AVEN: variants seen among roughly 807,000 people sequenced by gnomAD.
The protein encoded by AVEN is cell death regulator Aven.
A neutral mutation model predicts 38.1 loss-of-function variants in AVEN; 41 were observed. The observed-to-expected ratio is 1.08, with a 90% confidence interval of 0.84 to 1.40. AVEN has a LOEUF of 1.40. Among genes scored for constraint, AVEN ranks in the 40% most tolerant of loss-of-function variants. The pLI is 0.00. For synonymous variants in AVEN, 206 were observed against 171.8 expected (o/e 1.20, Z -1.56); for missense variants, 605 against 438.8 (o/e 1.38, Z -3.38).
intron 5 of AVEN, chr15:34,062,542 G>C (rs555205984): frequency 1.3e-4 from 73 of 555,498 alleles, no homozygotes; most frequent in Admixed American, 5.5e-4. Context: ...GTGACAAAGC[G>C]AGATTCTGTC....
At position 33,933,100 on chromosome 15, in the gene AVEN, C is replaced by A. The variant is rs550885503; in HGVS notation, c.446-57105G>T. On this transcript the variant is annotated intron_variant, in intron 2 of 5. Coordinates refer to ENST00000306730, the MANE Select transcript of AVEN (RefSeq NM_020371.3). ...CTGGCTCAAGCATTGCCTTTACAAA[C>A]AGAATATACTAATCAGAGATGAAGA... Among the ~76,000 whole-genome samples the A allele has an allele frequency of 3.3e-5, 5 of 152,192 alleles. No homozygotes were observed. The East Asian group carries it at 9.7e-4, about 29-fold the overall frequency.
chr15:33,944,678 C>T (rs776591888), intron 2 of AVEN, among the ~76,000 whole-genome samples: 1 of 151,834 alleles, frequency 6.6e-6, no homozygotes, highest in East Asian at 1.9e-4. Flanking sequence ...GCGTGGTGGC[C>T]GGCGCCTGTA....
intron 1 of AVEN, among the ~76,000 whole-genome samples, chr15:34,033,491 G>A (rs1394280284): frequency 1.3e-5 from 2 of 150,006 alleles, no homozygotes; most frequent in East Asian, 2.0e-4. Context: ...GGGTAACAGA[G>A]CGAGGCTCCG....
intron 2 of AVEN, among the ~76,000 whole-genome samples, chr15:33,880,204 T>C (rs967124): frequency 0.87 from 132,805 of 152,176 alleles, 58,186 homozygotes; most frequent in East Asian, 0.99. Context: ...CAAAAAGACC[T>C]GAAAAGTCTT....
intron 2 of AVEN, among the ~76,000 whole-genome samples, chr15:33,982,112 C>T (rs1212993425): frequency 6.6e-6 from 1 of 152,064 alleles, no homozygotes; most frequent in Non-Finnish European, 1.5e-5. Flanking sequence ...GATGATCCAC[C>T]CGCCTCAGCC....
intron 2 of AVEN, among the ~76,000 whole-genome samples, chr15:33,880,752 A>G (rs1246197586): frequency 6.6e-6 from 1 of 152,222 alleles, no homozygotes; most frequent in Non-Finnish European, 1.5e-5. Flanking sequence ...AAGAGAAAAG[A>G]AAAAAGAAAC....
chr15:34,013,913 C>CT, intron 1 of AVEN, among the ~76,000 whole-genome samples: 1 of 152,292 alleles, frequency 6.6e-6, no homozygotes, highest in East Asian at 1.9e-4. Flanking sequence ...GGAACGGCTG[C>CT]TATCTTCCGC....
downstream of AVEN, among the ~76,000 whole-genome samples, chr15:33,857,584 C>G (rs9806577): frequency 0.038 from 5,768 of 152,202 alleles, 356 homozygotes; most frequent in African/African-American, 0.13. Flanking sequence ...AGGAAGCCCG[C>G]TTCTCTTTAC....
chr15:33,994,502 G>A (rs758622450), intron 2 of AVEN, among the ~76,000 whole-genome samples: 9 of 152,120 alleles, frequency 5.9e-5, no homozygotes, highest in African/African-American at 2.2e-4. Context: ...TCCTGAAACC[G>A]TCATCCTCAC....
chr15:33,863,429 CAGA>C, downstream of AVEN, among the ~76,000 whole-genome samples: 1 of 151,844 alleles, frequency 6.6e-6, no homozygotes, highest in East Asian at 1.9e-4. Flanking sequence ...TCTCCACCCT[CAGA>C]AGGACATAAT....
intron 1 of AVEN, among the ~76,000 whole-genome samples, chr15:34,012,474 G>A (rs1221325091): frequency 2.0e-5 from 3 of 152,242 alleles, no homozygotes; most frequent in South Asian, 2.1e-4. Flanking sequence ...TTCTGAAGGC[G>A]GAAAGGGATG....
At chr15:33,992,251 G>A (rs923866376) in intron 2 of AVEN, among the ~76,000 whole-genome samples, 2 of 152,152 alleles carry the variant, frequency 1.3e-5, no homozygotes, top group African/African-American at 4.8e-5. Context: ...TTAGCTGGGC[G>A]TGGTGGCGGG....
At chr15:33,943,823 T>TAAAAAAAA (rs71119905) in intron 2 of AVEN, among the ~76,000 whole-genome samples, 1 of 88,876 alleles carries the variant, frequency 1.1e-5, no homozygotes, top group Admixed American at 1.5e-4. Context: ...ACTCCGTCTT[T>TAAAAAAAA]AAAAAAAAAA....
chr15:33,860,513 A>G, intron 11 of AVEN: 2 of 802,142 alleles, frequency 2.5e-6, no homozygotes, highest in Non-Finnish European at 3.8e-6. Context: ...TTTTTAACAG[A>G]ACAAAGTAGC....
intron 2 of AVEN, among the ~76,000 whole-genome samples, chr15:33,985,038 C>T (rs1328663943): frequency 2.0e-5 from 3 of 152,084 alleles, no homozygotes; most frequent in African/African-American, 7.2e-5. Context: ...CCACAGCATT[C>T]TGTATCCCAC....
At chr15:33,859,972 C>G (rs1485405736) in intron 11 of AVEN, among the ~76,000 whole-genome samples, 1 of 152,164 alleles carries the variant, frequency 6.6e-6, no homozygotes, top group Admixed American at 6.5e-5. Flanking sequence ...TTCTGTTCCT[C>G]TACTCTGAAT....
At chr15:33,863,033 G>A (rs140384121), downstream of AVEN, among the ~76,000 whole-genome samples, 659 of 152,278 alleles carry the variant, frequency 4.3e-3, 3 homozygotes, top group Non-Finnish European at 7.2e-3. Context: ...CCATGGCCAC[G>A]TGTCTGTACC....
chr15:34,028,859 C>T (rs1264360896), intron 1 of AVEN, among the ~76,000 whole-genome samples: 1 of 151,492 alleles, frequency 6.6e-6, no homozygotes, highest in African/African-American at 2.4e-5. Flanking sequence ...CCACATTGTA[C>T]CTTCACCTGA....
downstream of AVEN, among the ~76,000 whole-genome samples, chr15:33,857,231 C>T (rs1426563452): frequency 1.1e-5 from 1 of 90,120 alleles, no homozygotes; most frequent in Non-Finnish European, 2.2e-5. Context: ...TAAGTAAGTC[C>T]AGTATCATGG....
Sources: gnomAD v4.1 joint callset for allele counts (sites outside exome capture counted in the v4.1 genomes callset) on GRCh38, gnomAD v4.1.1 for gene constraint, MANE v1.5 for transcripts, NCBI Gene and HGNC (gene_info 2026-07-23, HGNC 2026-07-21) for gene names.